Variants in PRKCE observed in about 807,000 individuals in gnomAD.
PRKCE encodes protein kinase C epsilon type.
Under a neutral mutation model 85.4 loss-of-function variants are expected in PRKCE, and 16 were observed. The observed-to-expected ratio is 0.19, with a 90% CI of 0.13 to 0.28. PRKCE has a LOEUF of 0.28. Ranked by LOEUF, PRKCE falls within the 10% of genes least tolerant of loss-of-function variation. PRKCE has a pLI of 1.00. For synonymous variants in PRKCE, 388 were observed against 371.5 expected (o/e 1.04, Z -0.51); for missense variants, 573 against 975.2 (o/e 0.59, Z 5.49).
rs1197414137 is a variant in PRKCE, at chr2:45,793,256, G to A, written c.349-49744G>A. Among the ~76,000 whole-genome samples the A allele has an allele frequency of 7.2e-5, 11 of 152,242 alleles. No homozygotes were observed. The East Asian group carries it at 2.1e-3, about 29-fold the overall frequency. ...TTGAATTTGGGCGAATGGGGAAAAT[G>A]CAAAGCTCCCAATCCCCCAATTTCT... On this transcript the variant is annotated intron_variant, in intron 1 of 14. Transcript: ENST00000306156.
chr2:45,850,248 C>T (rs796419876), intron 2 of PRKCE, among the ~76,000 whole-genome samples: 2 of 152,204 alleles, frequency 1.3e-5, no homozygotes, highest in Admixed American at 1.3e-4. Context: ...ACTGGTGTGC[C>T]TGTCTTACCA....
Position 46,004,166 on chromosome 2 carries a change from G to T in PRKCE, c.967-376G>T. 3.4e-6 allele frequency: 1 copy of T among 295,616 alleles called. No individual in the cohort carries two copies. The highest frequency in any genetic ancestry group is 6.7e-6 in the Non-Finnish European group (1 of 150,362). 18.3% of individuals were successfully genotyped at this position (295,616 alleles called of 1,614,324 possible). On this transcript the variant is annotated intron_variant, in intron 7 of 14. Coordinates refer to ENST00000306156, the MANE Select transcript of PRKCE (RefSeq NM_005400.3). This position sits in a 1 kb window ranked among gnomAD's most constrained non-coding sequence, Gnocchi z 4.1. ...TGATGTATTTCTTCCTGTAAACCTG[G>T]ACTACTTTTCCAGCTTGCTAACCTT...
At position 45,900,364 on chromosome 2, in the gene PRKCE, C is replaced by T. The variant is rs547221984; in HGVS notation, c.412+57301C>T. 7.2e-5 allele frequency among the ~76,000 whole-genome samples: 11 copies of T among 152,254 alleles called. No individual in the cohort carries two copies. The East Asian group carries it at 1.4e-3, about 19-fold the overall frequency. ...CAATAGCCAAAAGGTGGAAACAACT[C>T]GAATGTCCATCAGTAGATGAATGGA... On this transcript the variant is annotated intron_variant, in intron 2 of 14. Transcript: ENST00000306156.
chr2:45,703,359 A>AC (rs1296976653), intron 1 of PRKCE, among the ~76,000 whole-genome samples: 4 of 151,686 alleles, frequency 2.6e-5, no homozygotes, highest in African/African-American at 9.7e-5. Flanking sequence ...ACATAGTAAG[A>AC]CCCCCATCTC....
At position 45,891,254 on chromosome 2, in the gene PRKCE, C is replaced by T. The variant is rs146009236; in HGVS notation, c.412+48191C>T. ...CGTACCATTCTGTTTGCAGAAAGAG[C>T]GACCAGAAATGTGCAGCAGTCAGTA... is the stretch of plus-strand genomic sequence containing the variant. On this transcript the variant is annotated intron_variant, in intron 2 of 14. Transcript: ENST00000306156. 4.5e-4 allele frequency among the ~76,000 whole-genome samples: 68 copies of T among 152,260 alleles called. No individual in the cohort carries two copies. In the East Asian group the frequency reaches 0.011, roughly 26 times the overall value.
At position 45,879,457 on chromosome 2, in the gene PRKCE, C is replaced by T. The variant is rs1421348605; in HGVS notation, c.412+36394C>T. 1.3e-5 allele frequency among the ~76,000 whole-genome samples: 2 copies of T among 152,168 alleles called. 1 individual carries two copies. The highest frequency in any genetic ancestry group is 2.9e-5 in the Non-Finnish European group (2 of 68,028). On this transcript the variant is annotated intron_variant, in intron 2 of 14. Coordinates refer to ENST00000306156, the MANE Select transcript of PRKCE (RefSeq NM_005400.3). ...AGAAAGCTGTCACACTGACCGTCTC[C>T]CCTTGCAAAAAGGCAGAGGGTCCAC...
At chr2:45,980,228 A>T in intron 4 of PRKCE, 68 bp from the exon 5 acceptor site, 1 of 1,495,250 alleles carries the variant, frequency 6.7e-7, no homozygotes, top group South Asian at 1.1e-5. Context: ...CCAAGCCCTG[A>T]ATAGATCCTG....
chr2:45,747,366 T>C (rs1179568407), intron 1 of PRKCE, among the ~76,000 whole-genome samples: 1 of 152,168 alleles, frequency 6.6e-6, no homozygotes, highest in Non-Finnish European at 1.5e-5. Context: ...CTTCCCATTT[T>C]CCCCTGCCCA....
In PRKCE at chr2:46,147,753, G is replaced by A. The variant is rs143160041; in HGVS notation, c.1731+2522G>A. ...GCCCACAGGGAGTGCTGGCTAAATG[G>A]TGGCTTCATGGTTATCATCATTGTT... On this transcript the variant is annotated intron_variant, in intron 12 of 14. Transcript: ENST00000306156. 1.8e-3 allele frequency among the ~76,000 whole-genome samples: 269 copies of A among 152,366 alleles called. 7 individuals carry two copies. The highest frequency in any genetic ancestry group is 0.013 in the South Asian group (65 of 4,826).
chr2:46,064,906 A>G (rs1049746655), intron 10 of PRKCE, among the ~76,000 whole-genome samples: 1 of 152,174 alleles, frequency 6.6e-6, no homozygotes, highest in South Asian at 2.1e-4. Flanking sequence ...GGGAAAGGGG[A>G]GGCCCCATTG....
At chr2:45,916,534 T>C (rs753144058) in intron 2 of PRKCE, among the ~76,000 whole-genome samples, 86 of 152,204 alleles carry the variant, frequency 5.7e-4, no homozygotes, top group Non-Finnish European at 1.6e-4. Context: ...GTGTGAGCCA[T>C]TGCACCCAAT....
At position 45,933,719 on chromosome 2, in the gene PRKCE, G is replaced by A. The variant is rs1024606970; in HGVS notation, c.413-42710G>A. Among the ~76,000 whole-genome samples, 61 of 151,916 alleles carry A rather than the reference G, an allele frequency of 4.0e-4. 1 individual carries two copies. Among genetic ancestry groups the A allele is most frequent in the Non-Finnish European group, 5.9e-4 (40 of 67,948 alleles). Reference sequence around the variant, plus strand: ...TCTCGATCTCCTGACCTCGTGATCCGCCCGCCTCGGCCTCCCAAGGTGCTG... The same window carrying A: ...TCTCGATCTCCTGACCTCGTGATCCACCCGCCTCGGCCTCCCAAGGTGCTG... On this transcript the variant is annotated intron_variant, in intron 2 of 14. Coordinates refer to ENST00000306156, the MANE Select transcript of PRKCE (RefSeq NM_005400.3).
intron 1 of PRKCE, among the ~76,000 whole-genome samples, chr2:45,676,559 G>A (rs565207337): frequency 1.3e-5 from 2 of 152,226 alleles, no homozygotes; most frequent in Admixed American, 1.3e-4. Flanking sequence ...TATAAACTCT[G>A]ATCCATACAT....
chr2:45,976,756 TA>T (rs1464163054), intron 3 of PRKCE, among the ~76,000 whole-genome samples, 168 bp downstream of exon 3: 2 of 152,060 alleles, frequency 1.3e-5, no homozygotes, highest in African/African-American at 2.4e-5. Flanking sequence ...GTTTGGTACA[TA>T]GGGGGAAATA....
chr2:45,689,131 T>C (rs1013114742), intron 1 of PRKCE, among the ~76,000 whole-genome samples: 1 of 152,198 alleles, frequency 6.6e-6, no homozygotes, highest in African/African-American at 2.4e-5. Context: ...GGATCACTTA[T>C]TTGCTTTACA....
chr2:45,972,286 G>T (rs1437705576), intron 2 of PRKCE, among the ~76,000 whole-genome samples: 1 of 152,098 alleles, frequency 6.6e-6, no homozygotes, highest in Non-Finnish European at 1.5e-5. Flanking sequence ...AGTCTACTCG[G>T]TTCTTTTGCC....
intron 2 of PRKCE, among the ~76,000 whole-genome samples, chr2:45,973,413 G>C (rs1171158289): frequency 6.6e-6 from 1 of 152,194 alleles, no homozygotes; most frequent in Non-Finnish European, 1.5e-5. Context: ...AGCCTCACTT[G>C]AAGCATGAAG....
At chr2:46,117,281 T>C (rs1672866185) in intron 11 of PRKCE, among the ~76,000 whole-genome samples, 1 of 152,242 alleles carries the variant, frequency 6.6e-6, no homozygotes, top group Non-Finnish European at 1.5e-5. Flanking sequence ...GCAAAAATAC[T>C]GCTTTTACAT....
chr2:45,817,067 G>T (rs1265728803), intron 1 of PRKCE, among the ~76,000 whole-genome samples: 2 of 4,264 alleles, frequency 4.7e-4, no homozygotes. Flanking sequence ...TGTAAGTAGA[G>T]TGTGTGTGTG....
Sources: allele counts gnomAD v4.1 joint callset (sites outside exome capture counted in the v4.1 genomes callset), GRCh38; gene constraint gnomAD v4.1.1; non-coding constraint Gnocchi (gnomAD v3.1); transcripts MANE v1.5; gene names NCBI Gene and HGNC (gene_info 2026-07-23, HGNC 2026-07-21).